The following SPATS2 variants were observed in gnomAD, a reference collection of about 807,000 sequenced individuals.
SPATS2 encodes the protein spermatogenesis-associated serine-rich protein 2.
SPATS2 carries 38 observed loss-of-function variants against 63.7 expected under a neutral mutation model. The ratio of observed to expected loss-of-function variants is 0.60; its 90% CI spans 0.46 to 0.78. The LOEUF is 0.78. Among genes scored for constraint, SPATS2 ranks in the 30% least tolerant of loss-of-function variants. SPATS2 has a pLI of 0.00. For synonymous variants in SPATS2, 207 were observed against 232.9 expected (o/e 0.89, Z 1.01); for missense variants, 588 against 666.2 (o/e 0.88, Z 1.29).
intron 3 of SPATS2, among the ~76,000 whole-genome samples, chr12:49,479,915 T>A (rs1400101037): frequency 6.6e-6 from 1 of 152,208 alleles, no homozygotes. Flanking sequence ...GACTGCCTTT[T>A]TGATTCTACA....
At chr12:49,508,933 G>C (rs903284008) in intron 9 of SPATS2, among the ~76,000 whole-genome samples, 1 of 151,950 alleles carries the variant, frequency 6.6e-6, no homozygotes, top group African/African-American at 2.4e-5. Context: ...GCGTGGTGGC[G>C]TGCACCTGTA....
intron 2 of SPATS2, among the ~76,000 whole-genome samples, chr12:49,411,327 A>G (rs1033999336): frequency 6.6e-6 from 1 of 152,068 alleles, no homozygotes; most frequent in Admixed American, 6.6e-5. Flanking sequence ...TGCCCCCTCA[A>G]CTTGGACTTC....
intron 2 of SPATS2, among the ~76,000 whole-genome samples, chr12:49,428,440 T>A (rs1372628096): frequency 6.6e-6 from 1 of 152,194 alleles, no homozygotes; most frequent in Non-Finnish European, 1.5e-5. Context: ...TCTCATTCCC[T>A]CTTCCCCCTA....
intron 2 of SPATS2, among the ~76,000 whole-genome samples, chr12:49,450,296 C>T (rs960368469): frequency 6.6e-6 from 1 of 151,974 alleles, no homozygotes; most frequent in African/African-American, 2.4e-5. Flanking sequence ...TTTGCCCAGG[C>T]TGGCGTGCAG....
rs530252327 is a variant in SPATS2 at position 49,436,045 on chromosome 12, T to C, written c.-243-24725T>C. On this transcript the variant is annotated intron_variant, in intron 2 of 13. Transcript: ENST00000552918. ...GAAAAGTCTCCCATGTCTACCTCTT[T>C]CTACACAGACATGGCAACCATCCGA... 2.0e-5 allele frequency among the ~76,000 whole-genome samples: 3 copies of C among 151,828 alleles called. No individual in the cohort carries two copies. In the East Asian group the frequency reaches 5.8e-4, roughly 29 times the overall value.
At chr12:49,379,647 G>T (rs1308583336) in intron 2 of SPATS2, among the ~76,000 whole-genome samples, 1 of 145,058 alleles carries the variant, frequency 6.9e-6, no homozygotes, top group Non-Finnish European at 1.5e-5. Context: ...TTTTTGGACG[G>T]AGTCTTGCTC....
chr12:49,408,456 T>C (rs1011243664), intron 2 of SPATS2, among the ~76,000 whole-genome samples: 2 of 152,038 alleles, frequency 1.3e-5, no homozygotes, highest in African/African-American at 4.8e-5. Context: ...TTTTGCCATG[T>C]TGGCCAGGCT....
intron 2 of SPATS2, among the ~76,000 whole-genome samples, chr12:49,410,071 T>G (rs551411114): frequency 1.3e-5 from 2 of 151,910 alleles, no homozygotes; most frequent in Admixed American, 6.6e-5. Flanking sequence ...CAATACATGT[T>G]TTTTTTTGTT....
At chr12:49,498,270 A>G (rs1258665666) in intron 8 of SPATS2, among the ~76,000 whole-genome samples, 2 of 151,730 alleles carry the variant, frequency 1.3e-5, no homozygotes, top group Admixed American at 6.6e-5. Flanking sequence ...ATATCTTGGC[A>G]TAGTTACAAA....
At chr12:49,486,592 T>G (rs1946297759) in intron 4 of SPATS2, among the ~76,000 whole-genome samples, 1 of 152,152 alleles carries the variant, frequency 6.6e-6, no homozygotes, top group Non-Finnish European at 1.5e-5. Flanking sequence ...GTATTAACCT[T>G]CGTTGAATTA....
At chr12:49,477,962 C>CTTTTTTTTTTT (rs1002916907) in intron 3 of SPATS2, among the ~76,000 whole-genome samples, 7 of 105,230 alleles carry the variant, frequency 6.7e-5, no homozygotes, top group Non-Finnish European at 8.0e-5. Flanking sequence ...GTGGTTTTGT[C>CTTTTTTTTTTT]TTTTTTTTTT....
intron 2 of SPATS2, among the ~76,000 whole-genome samples, chr12:49,394,477 C>CTA: frequency 6.6e-6 from 1 of 152,024 alleles, no homozygotes; most frequent in Non-Finnish European, 1.5e-5. Flanking sequence ...ATCTTCTAAC[C>CTA]TATGACCAGA....
At chr12:49,525,885 G>A (rs1189385513) in intron 13 of SPATS2, 59 bp from the exon 14 acceptor site, 12 of 1,555,162 alleles carry the variant, frequency 7.7e-6, no homozygotes, top group South Asian at 1.2e-5. Flanking sequence ...CCTGTAAAGT[G>A]AACGAATGGG....
chr12:49,474,473 G>A (rs61481988), intron 3 of SPATS2, among the ~76,000 whole-genome samples: 4,026 of 152,304 alleles, frequency 0.026, 194 homozygotes, highest in African/African-American at 0.091. Flanking sequence ...GTACTTTGAA[G>A]CAAGGTAGAT....
chr12:49,494,866 T>G lies in SPATS2; in HGVS notation c.390T>G (p.Asn130Lys). ...SAPSSEKGGM[N>K]GYHVNGAIND... ...CTTCCTCAGAGAAAGGTGGTATGAA[T>G]GGCTACCATGTCAATGGTGCCATCA... Residue 130 changes from asparagine to lysine, a missense_variant, in exon 7 of 14, where the codon AAT (asparagine) becomes AAG (lysine). Asn to Lys is a moderately conservative substitution (Grantham distance 94, BLOSUM62 0). Transcript: ENST00000552918. 6.2e-7 allele frequency: 1 copy of G among 1,614,050 alleles called. No individual in the cohort carries two copies. The highest frequency in any genetic ancestry group is 8.5e-7 in the Non-Finnish European group (1 of 1,180,008).
At chr12:49,495,233 G>A (rs868115830) in intron 7 of SPATS2, among the ~76,000 whole-genome samples, 17 of 151,748 alleles carry the variant, frequency 1.1e-4, no homozygotes, top group South Asian at 2.1e-4. Context: ...TCGCTGTGTC[G>A]CCCAGGCTGA....
chr12:49,507,923 A>G (rs1235044425), intron 9 of SPATS2, among the ~76,000 whole-genome samples: 1 of 152,222 alleles, frequency 6.6e-6, no homozygotes, highest in Non-Finnish European at 1.5e-5. Flanking sequence ...TGCTGCCGCT[A>G]TTTACTGAGC....
At chr12:49,383,010 A>C (rs1944249219) in intron 2 of SPATS2, among the ~76,000 whole-genome samples, 1 of 145,188 alleles carries the variant, frequency 6.9e-6, no homozygotes, top group Non-Finnish European at 1.5e-5. Context: ...CGGCCTTTTA[A>C]ATTTTATTAT....
chr12:49,395,076 G>A (rs1944485630), intron 2 of SPATS2, among the ~76,000 whole-genome samples: 1 of 151,678 alleles, frequency 6.6e-6, no homozygotes, highest in Non-Finnish European at 1.5e-5. Context: ...CTGTCTCGGG[G>A]GATAAAAAAA....
Sources: gnomAD v4.1 joint callset for allele counts (sites outside exome capture counted in the v4.1 genomes callset) on GRCh38, gnomAD v4.1.1 for gene constraint, MANE v1.5 for transcripts, NCBI Gene and HGNC (gene_info 2026-07-23, HGNC 2026-07-21) for gene names.